Variants in ZC3H4 observed in about 807,000 individuals in gnomAD.
The protein encoded by ZC3H4 is zinc finger CCCH domain-containing protein 4.
Under a neutral mutation model 108.3 loss-of-function variants are expected in ZC3H4, and 13 were observed. That is an observed-to-expected ratio of 0.12 (90% CI 0.08 to 0.19). The LOEUF (loss-of-function observed/expected upper bound fraction) is 0.19. ZC3H4 is among the 10% of genes least tolerant of loss of function. The probability of loss-of-function intolerance (pLI) is 1.00; values close to 1 mark genes in which losing one functional copy is unlikely to be tolerated. For missense variants in ZC3H4, 1,734 were observed against 1,838.8 expected (o/e 0.94, Z 1.04); for synonymous variants, 917 against 749.6 (o/e 1.22, Z -3.65).
rs1292197228 is a variant in ZC3H4, at chr19:47,072,105, C to T, written c.1819G>A (p.Gly607Arg). Reference protein sequence around the residue: ...KLGVRFPGPGGPPGPMGPGPN... With the variant: ...KLGVRFPGPGRPPGPMGPGPN... ...CCAGGGCCCATTGGCCCTGGGGGTC[C>T]ACCGGGTCCAGGGAACCTAGAAGAG... Residue 607 changes from glycine (G) to arginine (R), a missense_variant, in exon 13 of 15, where the codon GGA becomes AGA. By Grantham distance (125) the Gly-to-Arg change is moderately radical. Around this residue, in one of 9 missense-constraint regions of ZC3H4, gnomAD observed 540 missense variants for 484.1 expected, o/e 1.12. Transcript: ENST00000253048. This position sits in a 1 kb window ranked among gnomAD's most constrained non-coding sequence, Gnocchi z 5.6. The T allele has an allele frequency of 5.8e-6, 9 of 1,541,784 alleles. No individual in the cohort carries two copies. The highest frequency in any genetic ancestry group is 7.0e-6 in the Non-Finnish European group (8 of 1,148,214).
intron 10 of ZC3H4, 67 bp downstream of exon 10, chr19:47,082,117 T>G: frequency 1.5e-6 from 2 of 1,296,852 alleles, no homozygotes; most frequent in Non-Finnish European, 2.2e-6. Flanking sequence ...TGGCTGTTAC[T>G]ACCACCATCA....
At chr19:47,081,481 T>C (rs758661712) in intron 11 of ZC3H4, 32 bp downstream of exon 11, 4 of 1,584,302 alleles carry the variant, frequency 2.5e-6, no homozygotes, top group Admixed American at 3.3e-5. Flanking sequence ...CCAGTTCCTG[T>C]AGCCGGGGGC....
chr19:47,068,248 G>A (rs773952227), intron 14 of ZC3H4, among the ~76,000 whole-genome samples: 9 of 152,240 alleles, frequency 5.9e-5, no homozygotes, highest in Non-Finnish European at 1.0e-4. Flanking sequence ...CCAGAGCTCT[G>A]CTGTTTCCTC....
At chr19:47,106,831 C>T (rs1012607502) in intron 2 of ZC3H4, among the ~76,000 whole-genome samples, 16 of 152,308 alleles carry the variant, frequency 1.1e-4, no homozygotes, top group African/African-American at 2.9e-4. Context: ...ATGAACAAAA[C>T]CTTATCTGAC....
rs746935374 is a variant in ZC3H4, at chr19:47,069,248, G to T, written c.2242C>A (p.Pro748Thr). 5.6e-6 allele frequency: 9 copies of T among 1,613,652 alleles called. No individual in the cohort carries two copies. Among genetic ancestry groups the T allele is most frequent in the African/African-American group, 1.3e-5 (1 of 74,936 alleles). The change falls in exon 14 of 15, where the codon CCC becomes ACC. Residue 748 changes from proline to threonine, a missense_variant. Coordinates refer to ENST00000253048, the MANE Select transcript of ZC3H4 (RefSeq NM_015168.2). Reference sequence around the variant, plus strand: ...GCGCCTGGCTTCGGCCGGCCTGGGGGCCCTCCCTCAGAGAAGCTGTCGGGC... The same window carrying T: ...GCGCCTGGCTTCGGCCGGCCTGGGGTCCCTCCCTCAGAGAAGCTGTCGGGC... ...LEPDSFSEGG[P>T]PGRPKPGAGV...
chr19:47,097,792 A>T lies in ZC3H4; in HGVS notation c.162-3184T>A, dbSNP rs548526417. ...CACCGCGCTAATCATTTCAATCTAG[A>T]CCTGCCAAACTCTCTTGAGACAAGC... is the stretch of plus-strand genomic sequence containing the variant. On this transcript the variant is annotated intron_variant, in intron 2 of 14. Transcript: ENST00000253048. Among the ~76,000 whole-genome samples, 5 of 152,188 alleles carry T rather than the reference A, an allele frequency of 3.3e-5. No homozygotes were observed. In the South Asian group the frequency reaches 1.0e-3, roughly 32 times the overall value.
At chr19:47,112,300 C>T in intron 2 of ZC3H4, 124 bp downstream of exon 2, 1 of 1,097,814 alleles carries the variant, frequency 9.1e-7, no homozygotes, top group South Asian at 4.5e-5. Flanking sequence ...CCGACCCCGC[C>T]CTTCCTCCTC....
intron 14 of ZC3H4, among the ~76,000 whole-genome samples, chr19:47,068,195 G>T (rs748898378): frequency 1.3e-5 from 2 of 152,232 alleles, no homozygotes; most frequent in Non-Finnish European, 1.5e-5. Context: ...GCACAGTGCC[G>T]TTACATTGGA....
intron 2 of ZC3H4, among the ~76,000 whole-genome samples, chr19:47,100,250 G>A (rs544860940): frequency 2.6e-5 from 4 of 152,238 alleles, no homozygotes; most frequent in South Asian, 2.1e-4. Context: ...GAAACCTCAC[G>A]GAGGGATTTT....
At position 47,112,604 on chromosome 19, in the gene ZC3H4, G is replaced by T; in HGVS notation, c.-5-15C>A. ...CTCCATAGTTCCTTTGGGGGGGAGG[G>T]GATGTTAATGCACGAAAAAGGACTG... is the stretch of plus-strand genomic sequence containing the variant. On this transcript the variant is annotated splice_polypyrimidine_tract_variant and intron_variant, in intron 1 of 14. Coordinates refer to ENST00000253048, the MANE Select transcript of ZC3H4 (RefSeq NM_015168.2). The T allele has an allele frequency of 8.2e-7, 1 of 1,213,072 alleles. No homozygotes were observed. The highest frequency in any genetic ancestry group is 1.0e-6 in the Non-Finnish European group (1 of 969,080). 75.1% of individuals were successfully genotyped at this position (1,213,072 alleles called of 1,614,324 possible).
intron 11 of ZC3H4, among the ~76,000 whole-genome samples, chr19:47,073,811 C>T (rs1490028398): frequency 6.6e-6 from 1 of 152,220 alleles, no homozygotes; most frequent in Non-Finnish European, 1.5e-5. Flanking sequence ...GCGCTGTGTG[C>T]GATGGGCGCT....
Position 47,069,156 on chromosome 19 carries a change from C to T in ZC3H4, c.2334G>A (p.Gln778=), listed in dbSNP as rs369189983. 1.9e-6 allele frequency: 3 copies of T among 1,607,978 alleles called. No homozygotes were observed. The African/African-American group carries it at 4.0e-5, about 21-fold the overall frequency. The change falls in exon 14 of 15, where the codon CAG becomes CAA. Residue 778 remains glutamine (Q), a synonymous_variant. Transcript: ENST00000253048. ...ALYLRIQQKQ[Q]EEEERARRLA... The stretch of plus-strand genomic sequence containing the variant: ...GCCTCCTCGCTCTCTCCTCCTCCTC[C>T]TGCTGCTTCTGCTGGATCCTCAGGT...
rs1327997551 is a variant in ZC3H4, at chr19:47,072,493, G to A, written c.1661C>T (p.Pro554Leu). 6.9e-7 allele frequency: 1 copy of A among 1,449,602 alleles called. No homozygotes were observed. The highest frequency in any genetic ancestry group is 1.3e-5 in the South Asian group (1 of 77,342). 89.8% of individuals were successfully genotyped at this position (1,449,602 alleles called of 1,614,324 possible). A position where few individuals can be genotyped will look rare whatever the true frequency, so the allele number is the denominator to read the frequency against. The stretch of plus-strand genomic sequence containing the variant: ...ATGCACCGGCATGGGCATCTGAGGG[G>A]GCCCGGGCGGTGGGGGAGGGGGAGG... ...PPPPPPPPPGPPQMPMPVHEP... is the reference protein window; with the variant it reads ...PPPPPPPPPGLPQMPMPVHEP... The change falls in exon 12 of 15, where the codon CCC becomes CTC. Residue 554 changes from proline (P) to leucine (L), a missense_variant. Pro to Leu is a moderately conservative substitution (Grantham distance 98, BLOSUM62 -3). Coordinates refer to ENST00000253048, the MANE Select transcript of ZC3H4 (RefSeq NM_015168.2). This position sits in a 1 kb window ranked among gnomAD's most constrained non-coding sequence, Gnocchi z 5.6.
rs546037851 is a variant in ZC3H4, at chr19:47,112,278, G to C, written c.161+146C>G. The C allele has an allele frequency of 1.5e-4, 165 of 1,123,336 alleles. No homozygotes were observed. In the African/African-American group the frequency reaches 1.8e-3, roughly 12 times the overall value. The allele number at this position is 1,123,336 out of a possible 1,614,324, so 69.6% of individuals were successfully genotyped here. A position where few individuals can be genotyped will look rare whatever the true frequency, so the allele number is the denominator to read the frequency against. On this transcript the variant is annotated intron_variant, in intron 2 of 14. Transcript: ENST00000253048. ...AGAAAGAGCGAGCGAGCAAGCGATC[G>C]AGAGACACCCACCGACCCCGCCCTT...
At chr19:47,069,061 C>T (rs752108910) in intron 14 of ZC3H4, 31 bp downstream of exon 14, 1 of 1,601,316 alleles carries the variant, frequency 6.2e-7, no homozygotes, top group Non-Finnish European at 8.5e-7. Context: ...GGCCTGGGGC[C>T]TGTGCCCCGG....
Position 47,084,470 on chromosome 19 carries a change from G to A in ZC3H4, c.1108-15C>T, listed in dbSNP as rs1192392469. ...CCACCACCGTCCTGCAATGGACAGGGTGTGGACGTAAAGGGGAATGAAAGG... is the reference window on the plus strand; with the variant it reads ...CCACCACCGTCCTGCAATGGACAGGATGTGGACGTAAAGGGGAATGAAAGG... On this transcript the variant is annotated splice_polypyrimidine_tract_variant and intron_variant, in intron 8 of 14. Transcript: ENST00000253048. 1.9e-6 allele frequency: 3 copies of A among 1,613,314 alleles called. No homozygotes were observed. The highest frequency in any genetic ancestry group is 1.6e-4 in the Middle Eastern group (1 of 6,084).
At chr19:47,093,667 C>A in intron 4 of ZC3H4, 1 of 248,950 alleles carries the variant, frequency 4.0e-6, no homozygotes, top group Non-Finnish European at 7.8e-6. Context: ...TCATAGCTCA[C>A]TGCAACCTTA....
At chr19:47,068,470 G>A (rs2057261225) in intron 14 of ZC3H4, among the ~76,000 whole-genome samples, 1 of 152,240 alleles carries the variant, frequency 6.6e-6, no homozygotes, top group African/African-American at 2.4e-5. Context: ...AAGAGGCAGG[G>A]CCGGCTGGGC....
chr19:47,076,594 G>A (rs914980635), intron 11 of ZC3H4, among the ~76,000 whole-genome samples: 1 of 151,986 alleles, frequency 6.6e-6, no homozygotes, highest in African/African-American at 2.4e-5. Context: ...AGTGGCTCAC[G>A]CCTGTAATCC....
Sources: gnomAD v4.1 joint callset for allele counts (sites outside exome capture counted in the v4.1 genomes callset) on GRCh38, gnomAD v4.1.1 for gene constraint, gnomAD v4.1.1 regional missense constraint, Gnocchi (gnomAD v3.1) non-coding constraint, MANE v1.5 for transcripts, NCBI Gene and HGNC (gene_info 2026-07-23, HGNC 2026-07-21) for gene names.